Variants in NAALADL2 observed in about 807,000 individuals in gnomAD.
NAALADL2 encodes N-acetylated alpha-linked acidic dipeptidase like 2.
Under a neutral mutation model 87.2 loss-of-function variants are expected in NAALADL2, and 76 were observed. The observed-to-expected ratio is 0.87, with a 90% CI of 0.72 to 1.05. The LOEUF is 1.05. Among genes scored for constraint, NAALADL2 ranks in the 50% least tolerant of loss-of-function variants. The pLI is 0.00. For synonymous variants in NAALADL2, 354 were observed against 331.0 expected, an observed-to-expected ratio of 1.07 and a Z score of -0.75; for missense variants, 1,089 against 945.8, an observed-to-expected ratio of 1.15 and a Z score of -1.99.
intron 1 of NAALADL2, among the ~76,000 whole-genome samples, chr3:174,516,192 C>G (rs1439325543): frequency 6.6e-6 from 1 of 152,032 alleles, no homozygotes; most frequent in African/African-American, 2.4e-5. Flanking sequence ...ATATTAATAG[C>G]ACGTTTTTTC....
At chr3:175,035,673 C>T (rs986669739) in intron 1 of NAALADL2, among the ~76,000 whole-genome samples, 36 of 152,022 alleles carry the variant, frequency 2.4e-4, no homozygotes, top group African/African-American at 8.7e-4. Context: ...AAGCAGAAGG[C>T]CTTTAAAAAT....
At chr3:174,582,839 C>T (rs1447685565) in intron 2 of NAALADL2, among the ~76,000 whole-genome samples, 2 of 152,172 alleles carry the variant, frequency 1.3e-5, no homozygotes, top group African/African-American at 2.4e-5. Flanking sequence ...CTGCCTTGGC[C>T]TCCCAAAGTG....
At chr3:174,459,221 CTTTGTT>C (rs1197610192) in intron 1 of NAALADL2, 1 of 151,770 alleles carries the variant, frequency 6.6e-6, no homozygotes, top group African/African-American at 2.4e-5. Flanking sequence ...GTTTGTTTTG[CTTTGTT>C]TTTAACTTTA....
At chr3:174,692,939 C>T (rs1728711964) in intron 2 of NAALADL2, among the ~76,000 whole-genome samples, 1 of 77,192 alleles carries the variant, frequency 1.3e-5, no homozygotes, top group Non-Finnish European at 3.4e-5. Context: ...TTGTAGGGAC[C>T]CATATGAACT....
At chr3:175,423,045 A>ATG (rs1716026678) in intron 5 of NAALADL2, among the ~76,000 whole-genome samples, 1 of 116,130 alleles carries the variant, frequency 8.6e-6, no homozygotes, top group African/African-American at 3.3e-5. Context: ...ATATATATAT[A>ATG]TATATATTTT....
chr3:174,704,267 C>A (rs1409014854), intron 2 of NAALADL2, among the ~76,000 whole-genome samples: 1 of 152,076 alleles, frequency 6.6e-6, no homozygotes, highest in Non-Finnish European at 1.5e-5. Context: ...TTGCTTATAG[C>A]TTCCTGTTTT....
intron 1 of NAALADL2, among the ~76,000 whole-genome samples, chr3:175,040,150 C>A (rs566210879): frequency 2.6e-5 from 4 of 152,266 alleles, no homozygotes; most frequent in African/African-American, 9.6e-5. Flanking sequence ...ATAAACATGT[C>A]CACGCCTGAA....
intron 5 of NAALADL2, among the ~76,000 whole-genome samples, chr3:175,394,245 T>A (rs1461359252): frequency 6.6e-6 from 1 of 152,062 alleles, no homozygotes; most frequent in Non-Finnish European, 1.5e-5. Context: ...GAAAAAAAAG[T>A]CGGTTAATGG....
At chr3:175,658,680 A>C (rs1217361434) in intron 11 of NAALADL2, among the ~76,000 whole-genome samples, 1 of 152,180 alleles carries the variant, frequency 6.6e-6, no homozygotes, top group Non-Finnish European at 1.5e-5. Flanking sequence ...CAAATGCAGA[A>C]ATATATGTAT....
At chr3:175,206,292 A>T (rs1288943415) in intron 2 of NAALADL2, among the ~76,000 whole-genome samples, 1 of 110,120 alleles carries the variant, frequency 9.1e-6, no homozygotes, top group Admixed American at 9.8e-5. Context: ...GTGTGTATGT[A>T]TGTGTATATA....
intron 1 of NAALADL2, among the ~76,000 whole-genome samples, chr3:175,073,907 C>CCCCT (rs1417494719): frequency 6.6e-6 from 1 of 151,956 alleles, no homozygotes; most frequent in Non-Finnish European, 1.5e-5. Context: ...AACTGCAAGC[C>CCCCT]CCCTCCCCTA....
intron 5 of NAALADL2, among the ~76,000 whole-genome samples, chr3:175,361,328 C>T (rs1179450121): frequency 2.0e-5 from 3 of 148,240 alleles, no homozygotes; most frequent in Admixed American, 6.9e-5. Flanking sequence ...AATAAACATA[C>T]ATGTGCATGT....
intron 11 of NAALADL2, among the ~76,000 whole-genome samples, chr3:175,654,825 C>T (rs1192218539): frequency 2.0e-5 from 3 of 152,122 alleles, no homozygotes; most frequent in African/African-American, 7.2e-5. Context: ...CTTGGGAGCA[C>T]TTTCATCCTA....
At chr3:175,006,926 C>T (rs997404983) in intron 1 of NAALADL2, among the ~76,000 whole-genome samples, 3 of 151,032 alleles carry the variant, frequency 2.0e-5, no homozygotes, top group African/African-American at 2.4e-5. Flanking sequence ...ATACAAGTTC[C>T]TTTATAAGTC....
At chr3:174,657,040 TC>T (rs1318823251) in intron 2 of NAALADL2, among the ~76,000 whole-genome samples, 3 of 140,986 alleles carry the variant, frequency 2.1e-5, no homozygotes, top group African/African-American at 8.8e-5. Context: ...TTTTCCTTCT[TC>T]TTTTTTTTTT....
At chr3:175,365,419 C>A (rs116697302) in intron 5 of NAALADL2, among the ~76,000 whole-genome samples, 2,182 of 147,600 alleles carry the variant, frequency 0.015, 213 homozygotes, top group Middle Eastern at 0.024. Flanking sequence ...GATCCGAATT[C>A]ACAGACTATT....
chr3:174,571,616 T>G (rs1714936685), intron 2 of NAALADL2, among the ~76,000 whole-genome samples: 1 of 152,100 alleles, frequency 6.6e-6, no homozygotes, highest in Non-Finnish European at 1.5e-5. Context: ...CGACCTCCAG[T>G]GATCTGCCTG....
At chr3:174,570,351 A>G (rs1714784090) in intron 2 of NAALADL2, among the ~76,000 whole-genome samples, 1 of 152,144 alleles carries the variant, frequency 6.6e-6, no homozygotes, top group Non-Finnish European at 1.5e-5. Context: ...ACATTTGTAT[A>G]GCTACCTGAA....
chr3:175,109,900 T>G (rs943634208), intron 2 of NAALADL2, among the ~76,000 whole-genome samples: 16 of 151,898 alleles, frequency 1.1e-4, no homozygotes, highest in African/African-American at 3.9e-4. Context: ...TGCTACGTTC[T>G]CCCCTGTTGC....
Sources: allele counts gnomAD v4.1 joint callset (sites outside exome capture counted in the v4.1 genomes callset), GRCh38; gene constraint gnomAD v4.1.1; transcripts MANE v1.5; gene names NCBI Gene and HGNC (gene_info 2026-07-23, HGNC 2026-07-21).